Variants in C1orf87 observed in about 807,000 individuals in gnomAD.
C1orf87 encodes the protein uncharacterized protein C1orf87.
C1orf87 carries 58 observed loss-of-function variants against 60.5 expected under a neutral mutation model. That is an observed-to-expected ratio of 0.96 (90% CI 0.78 to 1.19). The LOEUF is 1.19. C1orf87 is among the 50% of genes most tolerant of loss of function. The probability of loss-of-function intolerance (pLI) is 0.00; values close to 1 mark genes in which losing one functional copy is unlikely to be tolerated. For missense variants in C1orf87, 673 were observed against 638.6 expected, an observed-to-expected ratio of 1.05 and a Z score of -0.58; for synonymous variants, 236 against 227.4, an observed-to-expected ratio of 1.04 and a Z score of -0.34.
chr1:60,070,746 G>A (rs1043382696), intron 2 of C1orf87, among the ~76,000 whole-genome samples: 1 of 152,086 alleles, frequency 6.6e-6, no homozygotes, highest in African/African-American at 2.4e-5. Flanking sequence ...AATTAATTTA[G>A]CTGATTTAAT....
At chr1:60,069,982 A>C (rs1226040759) in intron 2 of C1orf87, among the ~76,000 whole-genome samples, 1 of 152,174 alleles carries the variant, frequency 6.6e-6, no homozygotes, top group African/African-American at 2.4e-5. Flanking sequence ...GCTTGGAGAT[A>C]TGCTGCCACA....
At chr1:60,049,299 G>A (rs934318778) in intron 3 of C1orf87, among the ~76,000 whole-genome samples, 9 of 151,830 alleles carry the variant, frequency 5.9e-5, no homozygotes, top group African/African-American at 2.2e-4. Flanking sequence ...CCTGGATTTT[G>A]CTAATGAGAA....
chr1:60,002,352 T>TA (rs1645011958), intron 9 of C1orf87, among the ~76,000 whole-genome samples: 1 of 152,126 alleles, frequency 6.6e-6, no homozygotes, highest in Admixed American at 6.6e-5. Context: ...ATGACACCTA[T>TA]AGGCTATTGT....
chr1:60,007,835 A>G (rs1645056896), intron 9 of C1orf87, among the ~76,000 whole-genome samples: 1 of 152,076 alleles, frequency 6.6e-6, no homozygotes, highest in Non-Finnish European at 1.5e-5. Context: ...TAATAAAGGC[A>G]GTATATATAA....
chr1:60,061,276 C>G (rs1486655707), intron 2 of C1orf87, among the ~76,000 whole-genome samples: 2 of 152,128 alleles, frequency 1.3e-5, no homozygotes, highest in East Asian at 3.9e-4. Context: ...GGCCAAATAT[C>G]ATTTAATCTC....
At chr1:60,063,043 A>T (rs1243130661) in intron 2 of C1orf87, among the ~76,000 whole-genome samples, 1 of 152,170 alleles carries the variant, frequency 6.6e-6, no homozygotes, top group African/African-American at 2.4e-5. Context: ...ATACAGAAGC[A>T]GTTTAATGCA....
intron 6 of C1orf87, among the ~76,000 whole-genome samples, chr1:60,035,119 A>G (rs111703212): frequency 1.1e-4 from 17 of 152,330 alleles, no homozygotes; most frequent in Middle Eastern, 6.8e-3. Flanking sequence ...CTCATGAGAC[A>G]GTCCACCTCT....
At chr1:60,061,597 C>T (rs1208364985) in intron 2 of C1orf87, among the ~76,000 whole-genome samples, 2 of 151,480 alleles carry the variant, frequency 1.3e-5, no homozygotes, top group Non-Finnish European at 2.9e-5. Context: ...ATATCCTCAC[C>T]ATCCTTCTCA....
chr1:60,029,492 T>C (rs536188847), intron 7 of C1orf87, among the ~76,000 whole-genome samples: 32 of 152,212 alleles, frequency 2.1e-4, no homozygotes, highest in Admixed American at 6.5e-4. Context: ...GAAAGACCCT[T>C]CATAAACTGG....
chr1:60,065,426 T>C (rs2100332968), intron 2 of C1orf87, among the ~76,000 whole-genome samples: 1 of 152,228 alleles, frequency 6.6e-6, no homozygotes, highest in East Asian at 1.9e-4. Flanking sequence ...TGCTTATCTC[T>C]GCACTGTCTC....
At position 60,010,417 on chromosome 1, in the gene C1orf87, A is replaced by G. The variant is rs1557459746; in HGVS notation, c.1167T>C (p.Ser389=). 1.2e-6 allele frequency: 2 copies of G among 1,612,618 alleles called. No homozygotes were observed. Among genetic ancestry groups the G allele is most frequent in the South Asian group, 1.1e-5 (1 of 91,012 alleles). ...NFVEMLTRAS[S]DLLSDLPTGK... ...CTGTAGGCAAATCAGATAACAAATCAGAAGAAGCTCTGGTCAGCATCTCAA... is the reference window on the plus strand; with the variant it reads ...CTGTAGGCAAATCAGATAACAAATCGGAAGAAGCTCTGGTCAGCATCTCAA... The change falls in exon 9 of 12, where the codon TCT becomes TCC. Residue 389 remains serine (S), a synonymous_variant. Coordinates refer to ENST00000371201, the MANE Select transcript of C1orf87 (RefSeq NM_152377.3).
intron 8 of C1orf87, among the ~76,000 whole-genome samples, chr1:60,019,044 T>C (rs1030472462): frequency 3.3e-5 from 5 of 152,176 alleles, no homozygotes; most frequent in Admixed American, 3.3e-4. Flanking sequence ...AATAAGTAAA[T>C]TCCTTAAACA....
chr1:60,043,945 A>G (rs1232814634), intron 3 of C1orf87, among the ~76,000 whole-genome samples: 1 of 152,210 alleles, frequency 6.6e-6, no homozygotes, highest in Non-Finnish European at 1.5e-5. Flanking sequence ...GACACTACAG[A>G]TACAAATGAA....
chr1:60,012,190 A>T (rs181835530), intron 8 of C1orf87, among the ~76,000 whole-genome samples: 1 of 151,026 alleles, frequency 6.6e-6, no homozygotes, highest in African/African-American at 2.4e-5. Flanking sequence ...AAAAAAAAAC[A>T]CAAAACAACA....
intron 2 of C1orf87, among the ~76,000 whole-genome samples, chr1:60,059,570 G>A (rs868172147): frequency 1.3e-5 from 2 of 152,156 alleles, no homozygotes; most frequent in African/African-American, 4.8e-5. Flanking sequence ...TTGCAAAGGC[G>A]TCTAGTAGCA....
At chr1:60,011,266 C>T (rs1028886315) in intron 8 of C1orf87, among the ~76,000 whole-genome samples, 4 of 151,974 alleles carry the variant, frequency 2.6e-5, no homozygotes, top group Non-Finnish European at 4.4e-5. Flanking sequence ...CCAGCATCCA[C>T]CTTCCATTTA....
At chr1:60,024,237 G>A (rs1442253628) in intron 8 of C1orf87, among the ~76,000 whole-genome samples, 2 of 152,106 alleles carry the variant, frequency 1.3e-5, no homozygotes, top group African/African-American at 4.8e-5. Flanking sequence ...CTTTGAAATT[G>A]GGGGACTTTG....
intron 9 of C1orf87, 33 bp downstream of exon 9, chr1:60,010,359 G>A (rs1305382876): frequency 6.3e-7 from 1 of 1,581,492 alleles, no homozygotes; most frequent in Admixed American, 1.7e-5. Context: ...AAAATGGAAG[G>A]TCTCTCTGGA....
At chr1:59,996,009 T>G (rs1255436915) in intron 11 of C1orf87, among the ~76,000 whole-genome samples, 1 of 152,218 alleles carries the variant, frequency 6.6e-6, no homozygotes, top group Non-Finnish European at 1.5e-5. Flanking sequence ...AACGTATTTT[T>G]AATAAATAAC....
Sources: allele counts gnomAD v4.1 joint callset (sites outside exome capture counted in the v4.1 genomes callset), GRCh38; gene constraint gnomAD v4.1.1; transcripts MANE v1.5; gene names NCBI Gene and HGNC (gene_info 2026-07-23, HGNC 2026-07-21).